Variants in CECR2 observed in about 807,000 individuals in gnomAD.
The protein encoded by CECR2 is CECR2 histone acetyl-lysine reader.
A neutral mutation model predicts 154.5 loss-of-function variants in CECR2; 30 were observed. The observed-to-expected ratio is 0.19, with a 90% CI of 0.15 to 0.26. The LOEUF (loss-of-function observed/expected upper bound fraction) is 0.26, where lower values mean the gene tolerates loss of function less well. Among genes scored for constraint, CECR2 ranks in the 10% least tolerant of loss-of-function variants. The probability of loss-of-function intolerance (pLI) is 1.00; values close to 1 mark genes in which losing one functional copy is unlikely to be tolerated. For missense variants in CECR2, 1,743 were observed against 1,829.3 expected (o/e 0.95, Z 0.86); for synonymous variants, 725 against 683.7 (o/e 1.06, Z -0.94).
Position 17,428,660 on chromosome 22 carries a change from T to TAG in CECR2, c.127-48924_127-48923dup, listed in dbSNP as rs555563683. On this transcript the variant is annotated intron_variant, in intron 1 of 18. Transcript: ENST00000262608. ...CTTTCTTTTTTAAATTTAAATTAAA[T>TAG]AGAGACATGGTCTCCCTATGTTGCC... 218 of 152,288 alleles carry TAG rather than the reference T, an allele frequency of 1.4e-3. 1 individual carries two copies. Among genetic ancestry groups the TAG allele is most frequent in the African/African-American group, 5.1e-3 (213 of 41,562 alleles). 9.4% of individuals were successfully genotyped at this position (152,288 alleles called of 1,614,324 possible).
Position 17,548,870 on chromosome 22 carries a change from C to T in CECR2, c.3583C>T (p.His1195Tyr), listed in dbSNP as rs2056659086. The T allele has an allele frequency of 3.1e-6, 5 of 1,613,142 alleles. No individual in the cohort carries two copies. Among genetic ancestry groups the T allele is most frequent in the African/African-American group, 2.7e-5 (2 of 74,892 alleles). The part of the protein sequence containing the change: ...SYHPPPQPSY[H>Y]HYQRTPYYAC... ...CCACCCACCGCCACAGCCTTCCTAC[C>T]ACCACTATCAGCGAACTCCTTACTA... The change falls in exon 17 of 19, where the codon CAC becomes TAC. Residue 1195 changes from histidine to tyrosine, a missense_variant. His to Tyr is a moderately conservative substitution (Grantham distance 83). Around this residue, in one of 4 missense-constraint regions of CECR2, gnomAD observed 1,250 missense variants for 1,192.1 expected, o/e 1.05. Coordinates refer to ENST00000262608, the MANE Select transcript of CECR2 (RefSeq NM_001290047.2).
intron 7 of CECR2, 44 bp downstream of exon 7, chr22:17,505,060 A>G (rs763618440): frequency 1.0e-5 from 16 of 1,571,820 alleles, no homozygotes; most frequent in Non-Finnish European, 1.4e-5. Flanking sequence ...GTTAGGCCTG[A>G]TGCTGCATTA....
At chr22:17,445,543 T>TTTATTATTATTATTA (rs3994823) in intron 1 of CECR2, among the ~76,000 whole-genome samples, 18 of 141,436 alleles carry the variant, frequency 1.3e-4, no homozygotes, top group African/African-American at 1.8e-4. Context: ...TGCTCTATAC[T>TTTATTATTATTATTA]TTATTATTAT....
At chr22:17,464,301 A>G (rs953217240) in intron 1 of CECR2, among the ~76,000 whole-genome samples, 2 of 152,188 alleles carry the variant, frequency 1.3e-5, no homozygotes, top group African/African-American at 4.8e-5. Context: ...GTGTCCACAT[A>G]ATTAAAAGAA....
chr22:17,475,016 G>C (rs1363677191), intron 1 of CECR2, among the ~76,000 whole-genome samples: 1 of 151,996 alleles, frequency 6.6e-6, no homozygotes, highest in African/African-American at 2.4e-5. Context: ...CTTTAATCAC[G>C]ATCCGATTGT....
chr22:17,401,518 T>C (rs2053891171), intron 1 of CECR2, among the ~76,000 whole-genome samples: 1 of 151,868 alleles, frequency 6.6e-6, no homozygotes, highest in Non-Finnish European at 1.5e-5. Context: ...CCCAATCTGC[T>C]TTCTGTTACT....
chr22:17,517,635 A>G (rs935119778), intron 8 of CECR2, among the ~76,000 whole-genome samples: 2 of 152,206 alleles, frequency 1.3e-5, no homozygotes, highest in Non-Finnish European at 1.5e-5. Context: ...TTAATTTCGT[A>G]GGTTAATGGT....
rs3079490 is a variant in CECR2, at chr22:17,441,615, T to TTGAATGAA, written c.127-35963_127-35956dup. On this transcript the variant is annotated intron_variant, in intron 1 of 18. Transcript: ENST00000262608. ...CTCTGTGGACCCCACCCCCCGTTACTTGAATGAATGAATGAATCCTTCTTT... is the reference window on the plus strand; with the variant it reads ...CTCTGTGGACCCCACCCCCCGTTACTTGAATGAATGAATGAATGAATGAATCCTTCTTT... 8.8e-3 allele frequency among the ~76,000 whole-genome samples: 1,327 copies of TTGAATGAA among 151,418 alleles called. 17 individuals are homozygous for TTGAATGAA. Among genetic ancestry groups the TTGAATGAA allele is most frequent in the African/African-American group, 0.031 (1,261 of 41,020 alleles).
At chr22:17,420,110 A>AG (rs912863702) in intron 1 of CECR2, among the ~76,000 whole-genome samples, 12 of 152,324 alleles carry the variant, frequency 7.9e-5, no homozygotes, top group Admixed American at 3.9e-4. Context: ...TTTAAACCAG[A>AG]GGGGGGTTGG....
intron 1 of CECR2, among the ~76,000 whole-genome samples, chr22:17,415,230 C>T (rs1449863073): frequency 6.6e-6 from 1 of 151,748 alleles, no homozygotes; most frequent in Non-Finnish European, 1.5e-5. Flanking sequence ...TCTTCTTCTC[C>T]TTCTTTGTTC....
chr22:17,478,573 T>C (rs1310906775), intron 2 of CECR2, among the ~76,000 whole-genome samples: 5 of 152,078 alleles, frequency 3.3e-5, no homozygotes, highest in African/African-American at 1.2e-4. Context: ...GCCAGGATGG[T>C]CTCGATCTCC....
At chr22:17,457,168 C>G (rs1265384450) in intron 1 of CECR2, among the ~76,000 whole-genome samples, 2 of 152,254 alleles carry the variant, frequency 1.3e-5, no homozygotes, top group Non-Finnish European at 2.9e-5. Context: ...GCTGGAATTA[C>G]AGACATACGC....
chr22:17,520,032 A>AC (rs2056129821), intron 8 of CECR2, among the ~76,000 whole-genome samples: 3 of 151,628 alleles, frequency 2.0e-5, no homozygotes, highest in Admixed American at 1.3e-4. Flanking sequence ...CTCATGATCC[A>AC]CCCACCTTGG....
chr22:17,398,972 G>A (rs1242421111), intron 1 of CECR2, among the ~76,000 whole-genome samples: 4 of 152,198 alleles, frequency 2.6e-5, no homozygotes, highest in Non-Finnish European at 1.5e-5. Context: ...CCTCAGACCA[G>A]CATGGTGAGC....
intron 1 of CECR2, among the ~76,000 whole-genome samples, chr22:17,362,250 G>T (rs1601223484): frequency 6.6e-6 from 1 of 152,016 alleles, no homozygotes; most frequent in Admixed American, 6.6e-5. Flanking sequence ...CACCATGTTG[G>T]CCAGGCTGGT....
chr22:17,386,441 G>C (rs777498597), intron 1 of CECR2, among the ~76,000 whole-genome samples: 1 of 152,108 alleles, frequency 6.6e-6, no homozygotes, highest in Non-Finnish European at 1.5e-5. Flanking sequence ...TCCTTCATTT[G>C]GTGTTGTATT....
At chr22:17,522,732 C>T (rs1228145956) in intron 8 of CECR2, among the ~76,000 whole-genome samples, 1 of 152,188 alleles carries the variant, frequency 6.6e-6, no homozygotes, top group Non-Finnish European at 1.5e-5. Context: ...GGGCCACGCG[C>T]CATGGCTCAC....
At chr22:17,364,822 G>A (rs998580458), upstream of CECR2, among the ~76,000 whole-genome samples, 14 of 150,140 alleles carry the variant, frequency 9.3e-5, no homozygotes, top group African/African-American at 3.4e-4. Flanking sequence ...GGGAGATTCC[G>A]TCTCAAAAAA....
At chr22:17,516,785 G>T (rs769002250) in intron 8 of CECR2, among the ~76,000 whole-genome samples, 2 of 151,800 alleles carry the variant, frequency 1.3e-5, no homozygotes, top group Non-Finnish European at 2.9e-5. Context: ...GTAGAGATGG[G>T]GTTTCTCCAT....
Sources: gnomAD v4.1 joint callset for allele counts (sites outside exome capture counted in the v4.1 genomes callset) on GRCh38, gnomAD v4.1.1 for gene constraint, gnomAD v4.1.1 regional missense constraint, MANE v1.5 for transcripts, NCBI Gene and HGNC (gene_info 2026-07-23, HGNC 2026-07-21) for gene names.